PLCB1: variants seen among roughly 807,000 people sequenced by gnomAD.
PLCB1 encodes the protein 1-phosphatidylinositol 4,5-bisphosphate phosphodiesterase beta-1.
A neutral mutation model predicts 161.8 loss-of-function variants in PLCB1; 46 were observed. That is an observed-to-expected ratio of 0.28 (90% confidence interval 0.22 to 0.36). The LOEUF (loss-of-function observed/expected upper bound fraction) is 0.36. Ranked by LOEUF, PLCB1 falls within the 10% of genes least tolerant of loss-of-function variation. The pLI, the probability that PLCB1 is intolerant of heterozygous loss-of-function variation, is 1.00. For missense variants in PLCB1, 1,016 were observed against 1,472.5 expected (o/e 0.69, Z 5.07); for synonymous variants, 517 against 503.7 (o/e 1.03, Z -0.35).
intron 31 of PLCB1, among the ~76,000 whole-genome samples, chr20:8,822,397 G>C (rs908301044): frequency 2.0e-5 from 3 of 152,196 alleles, no homozygotes; most frequent in Admixed American, 2.0e-4. Flanking sequence ...GGAACCCTGT[G>C]CTGGGAATGG....
intron 2 of PLCB1, among the ~76,000 whole-genome samples, chr20:8,317,513 C>T (rs959424203): frequency 6.6e-6 from 1 of 151,962 alleles, no homozygotes; most frequent in East Asian, 1.9e-4. Flanking sequence ...GAGTAATTTA[C>T]ACCCCCCCAT....
At chr20:8,697,529 T>C (rs1600258349) in intron 10 of PLCB1, 97 bp from the exon 11 acceptor site, 7 of 1,234,852 alleles carry the variant, frequency 5.7e-6, no homozygotes, top group Non-Finnish European at 5.8e-6. Flanking sequence ...GCTCTTAGAC[T>C]CTTTGTTTTC....
chr20:8,367,363 A>G (rs1425300822), intron 2 of PLCB1, among the ~76,000 whole-genome samples: 3 of 152,212 alleles, frequency 2.0e-5, no homozygotes, highest in African/African-American at 7.2e-5. Context: ...TTTATTTGAG[A>G]TGCAGATTCT....
intron 31 of PLCB1, among the ~76,000 whole-genome samples, chr20:8,846,152 G>A (rs1986683126): frequency 6.6e-6 from 1 of 152,162 alleles, no homozygotes; most frequent in African/African-American, 2.4e-5. Context: ...GGCAGAAGGT[G>A]AAGGGGAAGC....
chr20:8,857,098 T>C (rs1213756643), intron 31 of PLCB1, among the ~76,000 whole-genome samples: 1 of 152,216 alleles, frequency 6.6e-6, no homozygotes, highest in Admixed American at 6.5e-5. Flanking sequence ...ACCGGATCTC[T>C]CCACTTAGTC....
At chr20:8,852,422 A>G (rs1229189201) in intron 31 of PLCB1, among the ~76,000 whole-genome samples, 2 of 152,166 alleles carry the variant, frequency 1.3e-5, no homozygotes, top group African/African-American at 4.8e-5. Flanking sequence ...CTTATTCCTG[A>G]TATTCCAGGA....
chr20:8,264,646 T>G (rs2743173), intron 2 of PLCB1, among the ~76,000 whole-genome samples: 6 of 151,824 alleles, frequency 4.0e-5, no homozygotes, highest in African/African-American at 1.5e-4. Context: ...TTTTCAGCTC[T>G]GTTATAATCT....
intron 3 of PLCB1, among the ~76,000 whole-genome samples, chr20:8,391,661 G>A (rs182316167): frequency 6.6e-6 from 1 of 151,616 alleles, no homozygotes; most frequent in Admixed American, 6.6e-5. Flanking sequence ...CTGGTAACAA[G>A]ACATAAATCA....
intron 3 of PLCB1, among the ~76,000 whole-genome samples, chr20:8,513,524 G>A (rs772330111): frequency 5.9e-5 from 9 of 152,090 alleles, no homozygotes; most frequent in South Asian, 2.1e-4. Context: ...TGGATAATTC[G>A]GAACGAATAC....
intron 31 of PLCB1, among the ~76,000 whole-genome samples, chr20:8,810,884 T>A (rs1308080621): frequency 6.6e-6 from 1 of 152,214 alleles, no homozygotes; most frequent in African/African-American, 2.4e-5. Context: ...GAGGATTGCT[T>A]GAACCTGCGA....
chr20:8,340,675 C>A (rs1376472835), intron 2 of PLCB1, among the ~76,000 whole-genome samples: 1 of 152,134 alleles, frequency 6.6e-6, no homozygotes, highest in African/African-American at 2.4e-5. Context: ...CCGCCCGCCT[C>A]GGCCTCCCAA....
chr20:8,322,196 C>T (rs1332152493), intron 2 of PLCB1, among the ~76,000 whole-genome samples: 2 of 152,132 alleles, frequency 1.3e-5, no homozygotes, highest in Admixed American at 6.6e-5. Flanking sequence ...CCTGTCATTG[C>T]TTCCTGGGGT....
At chr20:8,224,914 C>T (rs1426031324) in intron 2 of PLCB1, among the ~76,000 whole-genome samples, 4 of 152,294 alleles carry the variant, frequency 2.6e-5, no homozygotes, top group Non-Finnish European at 5.9e-5. Flanking sequence ...ATCATGGCTT[C>T]TTCAGCTCAT....
intron 3 of PLCB1, among the ~76,000 whole-genome samples, chr20:8,603,453 A>G (rs1987659803): frequency 6.6e-6 from 1 of 152,206 alleles, no homozygotes. Flanking sequence ...TAGCATCACC[A>G]GCTGGCTCCA....
At chr20:8,637,343 A>G (rs942456737) in intron 4 of PLCB1, among the ~76,000 whole-genome samples, 4 of 152,220 alleles carry the variant, frequency 2.6e-5, no homozygotes, top group Non-Finnish European at 4.4e-5. Context: ...ACAAATATTT[A>G]CAGGCATAAT....
At chr20:8,695,705 G>A (rs1990570699) in intron 10 of PLCB1, among the ~76,000 whole-genome samples, 1 of 152,004 alleles carries the variant, frequency 6.6e-6, no homozygotes, top group Non-Finnish European at 1.5e-5. Context: ...CCATTTCAAA[G>A]AAAAACTTTT....
chr20:8,670,549 G>A (rs1427315906), intron 9 of PLCB1, among the ~76,000 whole-genome samples: 2 of 152,142 alleles, frequency 1.3e-5, no homozygotes, highest in African/African-American at 4.8e-5. Context: ...TATGGTAATA[G>A]CACAGTTTTT....
At chr20:8,350,835 T>G (rs934751998) in intron 2 of PLCB1, among the ~76,000 whole-genome samples, 1 of 152,214 alleles carries the variant, frequency 6.6e-6, no homozygotes, top group East Asian at 1.9e-4. Context: ...CAGAAAACTC[T>G]GATAAAATAA....
intron 2 of PLCB1, among the ~76,000 whole-genome samples, chr20:8,304,215 G>A (rs1337082553): frequency 2.6e-5 from 4 of 152,044 alleles, no homozygotes; most frequent in Non-Finnish European, 5.9e-5. Flanking sequence ...TATTTTTCTG[G>A]CTTCATTATT....
Sources: gnomAD v4.1 joint callset for allele counts (sites outside exome capture counted in the v4.1 genomes callset) on GRCh38, gnomAD v4.1.1 for gene constraint, MANE v1.5 for transcripts, NCBI Gene and HGNC (gene_info 2026-07-23, HGNC 2026-07-21) for gene names.